Variants in USP49 observed in about 807,000 individuals in gnomAD.
The protein encoded by USP49 is ubiquitin carboxyl-terminal hydrolase 49.
Under a neutral mutation model 58.6 loss-of-function variants are expected in USP49, and 24 were observed. The observed-to-expected ratio is 0.41, with a 90% CI of 0.30 to 0.58. The LOEUF (loss-of-function observed/expected upper bound fraction) is 0.58. Ranked by LOEUF, USP49 falls within the 20% of genes least tolerant of loss-of-function variation. The probability of loss-of-function intolerance (pLI) is 0.30; values close to 1 mark genes in which losing one functional copy is unlikely to be tolerated. For synonymous variants in USP49, 408 were observed against 365.1 expected (o/e 1.12, Z -1.34); for missense variants, 703 against 866.1 (o/e 0.81, Z 2.36).
chr6:41,810,926 A>G (rs1007210314), intron 3 of USP49, among the ~76,000 whole-genome samples: 5 of 152,160 alleles, frequency 3.3e-5, no homozygotes, highest in Non-Finnish European at 5.9e-5. Flanking sequence ...TTCTGTGAGC[A>G]AATGCAGTTT....
intron 3 of USP49, among the ~76,000 whole-genome samples, chr6:41,812,331 G>A (rs993661003): frequency 6.0e-5 from 9 of 151,010 alleles, no homozygotes; most frequent in African/African-American, 1.7e-4. Flanking sequence ...CGCCTACCTC[G>A]GCCTCCCAAA....
At chr6:41,809,475 A>G (rs549056723) in intron 3 of USP49, among the ~76,000 whole-genome samples, 253 of 151,994 alleles carry the variant, frequency 1.7e-3, no homozygotes, top group African/African-American at 5.3e-3. Flanking sequence ...CAGTGAGCCA[A>G]GATCGCGCCA....
intron 3 of USP49, among the ~76,000 whole-genome samples, chr6:41,857,722 C>G (rs547262481): frequency 3.3e-5 from 5 of 152,298 alleles, no homozygotes; most frequent in African/African-American, 7.2e-5. Context: ...TTATGGCATG[C>G]CTAACTGTAA....
intron 3 of USP49, among the ~76,000 whole-genome samples, chr6:41,842,912 A>T (rs950141410): frequency 2.6e-5 from 4 of 151,364 alleles, no homozygotes; most frequent in Non-Finnish European, 4.4e-5. Context: ...AATATGTTAT[A>T]TATATATGAT....
chr6:41,820,911 GGATT>G (rs1561909198), intron 3 of USP49, among the ~76,000 whole-genome samples: 1 of 152,138 alleles, frequency 6.6e-6, no homozygotes, highest in African/African-American at 2.4e-5. Flanking sequence ...TGACATGGGA[GGATT>G]GATTGAGCCC....
intron 2 of USP49, chr6:41,887,428 G>A (rs150091578): frequency 2.6e-5 from 4 of 152,268 alleles, no homozygotes; most frequent in East Asian, 1.9e-4. Context: ...CCAGACTGCC[G>A]TGCTAATCCT....
At chr6:41,830,836 A>T (rs761907671) in intron 3 of USP49, among the ~76,000 whole-genome samples, 1 of 151,920 alleles carries the variant, frequency 6.6e-6, no homozygotes, top group East Asian at 1.9e-4. Flanking sequence ...AGAAAAAAAA[A>T]AAATTTAGGA....
At chr6:41,807,742 G>A (rs914035284) in intron 3 of USP49, among the ~76,000 whole-genome samples, 1 of 149,868 alleles carries the variant, frequency 6.7e-6, no homozygotes, top group Non-Finnish European at 1.5e-5. Flanking sequence ...GTGCACAGCC[G>A]TATATGTGTT....
chr6:41,835,847 G>A (rs576186663), intron 3 of USP49, among the ~76,000 whole-genome samples: 1 of 152,254 alleles, frequency 6.6e-6, no homozygotes, highest in East Asian at 1.9e-4. Context: ...GTCAAGGTGG[G>A]AGGATTGCTT....
Position 41,865,679 on chromosome 6 carries a change from C to T in USP49, c.-29+5885G>A, listed in dbSNP as rs191903600. Among the ~76,000 whole-genome samples, 373 of 151,962 alleles carry T rather than the reference C, an allele frequency of 2.5e-3. 1 individual carries two copies. The highest frequency in any genetic ancestry group is 8.7e-3 in the African/African-American group (360 of 41,460). ...TAAGAGACAGGGTCTTGCTCTGTTGCCCAGGCTTGAATGCAGTGATGTGAT... is the reference window on the plus strand; with the variant it reads ...TAAGAGACAGGGTCTTGCTCTGTTGTCCAGGCTTGAATGCAGTGATGTGAT... On this transcript the variant is annotated intron_variant, in intron 3 of 7. Transcript: ENST00000682992.
Position 41,817,150 on chromosome 6 carries a change from CT to C in USP49, c.-28-10140del, listed in dbSNP as rs34281670. Among the ~76,000 whole-genome samples the C allele has an allele frequency of 1.6e-3, 170 of 104,332 alleles. 6 individuals carry two copies. The highest frequency in any genetic ancestry group is 2.5e-3 in the African/African-American group (57 of 22,554). 68.4% of individuals were successfully genotyped at this position (104,332 alleles called of 152,430 possible). A position where few individuals can be genotyped will look rare whatever the true frequency, so the allele number is the denominator to read the frequency against. On this transcript the variant is annotated intron_variant, in intron 3 of 7. Coordinates refer to ENST00000682992, the MANE Select transcript of USP49 (RefSeq NM_001286554.2). Reference sequence around the variant, plus strand: ...CCACCACGCCTGGCTCCCACGCATGCTTTTTTTTTTTTTTTTTGAGACAGAG... The same window carrying C: ...CCACCACGCCTGGCTCCCACGCATGCTTTTTTTTTTTTTTTTGAGACAGAG...
intron 3 of USP49, among the ~76,000 whole-genome samples, chr6:41,841,984 G>GA (rs1773835834): frequency 6.6e-6 from 1 of 152,056 alleles, no homozygotes; most frequent in South Asian, 2.1e-4. Context: ...TTGAACCTGG[G>GA]AGGCAGAGGT....
chr6:41,879,055 C>A (rs1194029947), intron 2 of USP49, among the ~76,000 whole-genome samples: 1 of 152,192 alleles, frequency 6.6e-6, no homozygotes, highest in Non-Finnish European at 1.5e-5. Context: ...TGAGAAGTTA[C>A]TCAACTATGA....
chr6:41,855,972 C>T (rs1452000997), intron 3 of USP49, among the ~76,000 whole-genome samples: 7 of 151,898 alleles, frequency 4.6e-5, no homozygotes, highest in African/African-American at 9.7e-5. Flanking sequence ...CGCTTGAACC[C>T]GGGAAGCAGA....
At chr6:41,804,434 T>C (rs1773073514) in intron 4 of USP49, among the ~76,000 whole-genome samples, 1 of 152,124 alleles carries the variant, frequency 6.6e-6, no homozygotes, top group Non-Finnish European at 1.5e-5. Context: ...CATGCCTCTC[T>C]TTTTGCCTTT....
rs1338590488 is a variant in USP49 at position 41,798,750 on chromosome 6, G to A, written c.1850C>T (p.Thr617Ile). ...HGKGFGSGHY[T>I]AYCYNTEGGF... Reference sequence around the variant, plus strand: ...TCCCTCTGTGTTGTAGCAATAGGCTGTGTAGTGTCCTGAGCCAAACCCTTT... The same window carrying A: ...TCCCTCTGTGTTGTAGCAATAGGCTATGTAGTGTCCTGAGCCAAACCCTTT... Residue 617 changes from threonine to isoleucine, a missense_variant, in exon 7 of 8, where the codon ACA becomes ATA. By Grantham distance (89) the Thr-to-Ile change is moderately conservative. Transcript: ENST00000682992. 1 of 1,614,156 alleles carries A rather than the reference G, an allele frequency of 6.2e-7. No individual in the cohort carries two copies. Among genetic ancestry groups the A allele is most frequent in the Admixed American group, 1.7e-5 (1 of 60,024 alleles).
chr6:41,883,020 T>TTA (rs1774639596), intron 2 of USP49, among the ~76,000 whole-genome samples: 4 of 151,912 alleles, frequency 2.6e-5, no homozygotes, highest in Non-Finnish European at 5.9e-5. Context: ...TTAAGAAATA[T>TTA]TATATATATT....
chr6:41,803,315 G>A lies in USP49; in HGVS notation c.1561+491C>T, dbSNP rs1285179831. Among the ~76,000 whole-genome samples the A allele has an allele frequency of 6.6e-6, 1 of 152,104 alleles. No individual in the cohort carries two copies. The highest frequency in any genetic ancestry group is 2.4e-5 in the African/African-American group (1 of 41,414). ...TGTTTCATTTGTTGTTGTTGTTGTT[G>A]TTGTTTGAAACGGAGTCTTGCTCTG... is the stretch of plus-strand genomic sequence containing the variant. On this transcript the variant is annotated intron_variant, in intron 5 of 7. Coordinates refer to ENST00000682992, the MANE Select transcript of USP49 (RefSeq NM_001286554.2). The surrounding 1 kb of genome is among the most constrained non-coding windows in gnomAD (Gnocchi z 4.1).
rs899075067 is a variant in USP49, at chr6:41,795,461, T to A, written c.*1072A>T. ...GGAAACAGGTCAAGGCCATTGGTAA[T>A]CAACTCTTCAGATATGTACGAGGTG... is the stretch of plus-strand genomic sequence containing the variant. On this transcript the variant is annotated 3_prime_UTR_variant, in exon 8 of 8. Transcript: ENST00000682992. The A allele has an allele frequency of 6.6e-6, 1 of 152,124 alleles. No individual in the cohort carries two copies. Among genetic ancestry groups the A allele is most frequent in the African/African-American group, 2.4e-5 (1 of 41,402 alleles). The allele number at this position is 152,124 out of a possible 1,614,324, so 9.4% of individuals were successfully genotyped here. A position where few individuals can be genotyped will look rare whatever the true frequency, so the allele number is the denominator to read the frequency against.
Sources: gnomAD v4.1 joint callset for allele counts (sites outside exome capture counted in the v4.1 genomes callset) on GRCh38, gnomAD v4.1.1 for gene constraint, Gnocchi (gnomAD v3.1) non-coding constraint, MANE v1.5 for transcripts, NCBI Gene and HGNC (gene_info 2026-07-23, HGNC 2026-07-21) for gene names.